Variants in ADARB2 observed in about 807,000 individuals in gnomAD.
ADARB2 encodes inactive double-stranded RNA-specific editase B2.
Under a neutral mutation model 62.2 loss-of-function variants are expected in ADARB2, and 25 were observed. The ratio of observed to expected loss-of-function variants is 0.40; its 90% confidence interval spans 0.29 to 0.56. The LOEUF is 0.56. Among genes scored for constraint, ADARB2 ranks in the 20% least tolerant of loss-of-function variants. ADARB2 has a pLI of 0.43. For synonymous variants in ADARB2, 572 were observed against 500.8 expected, an observed-to-expected ratio of 1.14 and a Z score of -1.90; for missense variants, 1,071 against 1,077.4, an observed-to-expected ratio of 0.99 and a Z score of 0.08.
chr10:1,252,311 A>T (rs1033834318), intron 4 of ADARB2, among the ~76,000 whole-genome samples: 2 of 152,226 alleles, frequency 1.3e-5, no homozygotes, highest in African/African-American at 4.8e-5. Context: ...CCACATGTAG[A>T]CTGCCCCAAG....
chr10:1,552,341 G>T (rs1371573554), intron 1 of ADARB2, among the ~76,000 whole-genome samples: 1 of 152,216 alleles, frequency 6.6e-6, no homozygotes, highest in Admixed American at 6.5e-5. Flanking sequence ...TGTCCTTGGG[G>T]CATTAGGGGC....
At chr10:1,274,900 A>G (rs1490246445) in intron 3 of ADARB2, among the ~76,000 whole-genome samples, 2 of 152,204 alleles carry the variant, frequency 1.3e-5, no homozygotes, top group Non-Finnish European at 1.5e-5. Context: ...TGCAGGCTTC[A>G]CTGCCTCTGG....
At chr10:1,604,604 G>T (rs1305548572) in intron 1 of ADARB2, among the ~76,000 whole-genome samples, 1 of 152,208 alleles carries the variant, frequency 6.6e-6, no homozygotes, top group Non-Finnish European at 1.5e-5. Context: ...AAAATACAAA[G>T]AGCCTGGTTT....
At chr10:1,552,015 T>G (rs1255227930) in intron 1 of ADARB2, among the ~76,000 whole-genome samples, 1 of 151,528 alleles carries the variant, frequency 6.6e-6, no homozygotes, top group Non-Finnish European at 1.5e-5. Context: ...GGTGGCCTCC[T>G]GCGTGGAGGC....
intron 1 of ADARB2, among the ~76,000 whole-genome samples, chr10:1,651,355 C>G (rs909260369): frequency 6.6e-6 from 1 of 152,236 alleles, no homozygotes; most frequent in Non-Finnish European, 1.5e-5. Context: ...CCTGGCGAGC[C>G]CCAGGGGGTG....
intron 4 of ADARB2, among the ~76,000 whole-genome samples, chr10:1,267,490 G>A (rs184428531): frequency 7.4e-4 from 113 of 152,350 alleles, no homozygotes; most frequent in Non-Finnish European, 1.3e-3. Flanking sequence ...TGCAGAGCAC[G>A]TGCCTCGATG....
chr10:1,675,754 G>C (rs1443476046), intron 1 of ADARB2, among the ~76,000 whole-genome samples: 7 of 152,068 alleles, frequency 4.6e-5, no homozygotes, highest in African/African-American at 1.4e-4. Context: ...CCTAGGGCTA[G>C]TTACTCAGTC....
At chr10:1,675,037 AGGTTTG>A (rs1834446649) in intron 1 of ADARB2, 1 of 975,544 alleles carries the variant, frequency 1.0e-6, no homozygotes, top group East Asian at 1.2e-4. Flanking sequence ...GATGTTCTGG[AGGTTTG>A]GGTTTGGGGG....
intron 1 of ADARB2, among the ~76,000 whole-genome samples, chr10:1,693,517 A>G (rs1834699799): frequency 1.3e-5 from 2 of 152,222 alleles, no homozygotes; most frequent in Non-Finnish European, 2.9e-5. Flanking sequence ...TATTTTTCCT[A>G]TTGGATATAA....
chr10:1,306,165 GTC>G (rs1831625967), intron 3 of ADARB2, among the ~76,000 whole-genome samples: 1 of 150,226 alleles, frequency 6.7e-6, no homozygotes, highest in Admixed American at 6.6e-5. Context: ...AAACCCCATT[GTC>G]TCAGCCCAAA....
chr10:1,734,296 GTT>G (rs11338512), intron 1 of ADARB2, among the ~76,000 whole-genome samples: 12,789 of 130,662 alleles, frequency 0.098, 736 homozygotes, highest in East Asian at 0.24. Flanking sequence ...TGACGAAGGT[GTT>G]TTTTTTTTTT....
chr10:1,378,328 C>G (rs1832452172), intron 2 of ADARB2, among the ~76,000 whole-genome samples: 1 of 152,128 alleles, frequency 6.6e-6, no homozygotes, highest in Non-Finnish European at 1.5e-5. Flanking sequence ...GGGCTCCTAC[C>G]CAGCCCTTTC....
At chr10:1,330,163 G>C (rs1831915670) in intron 3 of ADARB2, among the ~76,000 whole-genome samples, 1 of 152,090 alleles carries the variant, frequency 6.6e-6, no homozygotes, top group African/African-American at 2.4e-5. Context: ...GGCTGAGTCA[G>C]GGTCGATTCA....
chr10:1,601,523 G>A (rs891517216), intron 1 of ADARB2, among the ~76,000 whole-genome samples: 13 of 152,224 alleles, frequency 8.5e-5, no homozygotes, highest in Admixed American at 7.2e-4. Context: ...TAGCTATTGT[G>A]TCTTAGCCAG....
chr10:1,687,086 G>C (rs1428164732), intron 1 of ADARB2, among the ~76,000 whole-genome samples: 3 of 147,888 alleles, frequency 2.0e-5, no homozygotes, highest in Non-Finnish European at 4.4e-5. Context: ...GAGTGCAGTG[G>C]CATGATCTCC....
chr10:1,325,080 C>T (rs1213215797), intron 3 of ADARB2, among the ~76,000 whole-genome samples: 1 of 152,166 alleles, frequency 6.6e-6, no homozygotes, highest in Non-Finnish European at 1.5e-5. Flanking sequence ...AAGTTCTGGG[C>T]CTCACGCCAA....
intron 1 of ADARB2, among the ~76,000 whole-genome samples, chr10:1,453,830 C>T (rs1160930238): frequency 1.3e-5 from 2 of 152,074 alleles, no homozygotes; most frequent in Non-Finnish European, 2.9e-5. Flanking sequence ...ATGGCTACTG[C>T]AAGGGTTAGT....
chr10:1,381,305 A>T (rs1832481041), intron 1 of ADARB2, among the ~76,000 whole-genome samples: 1 of 152,272 alleles, frequency 6.6e-6, no homozygotes, highest in African/African-American at 2.4e-5. Flanking sequence ...AAGCACATGG[A>T]AATGTAATCA....
At chr10:1,672,373 C>T (rs1199135064) in intron 1 of ADARB2, among the ~76,000 whole-genome samples, 2 of 152,122 alleles carry the variant, frequency 1.3e-5, no homozygotes, top group Non-Finnish European at 2.9e-5. Flanking sequence ...CTTGAAGGAA[C>T]GCTGCTGATT....
Sources: allele counts gnomAD v4.1 joint callset (sites outside exome capture counted in the v4.1 genomes callset), GRCh38; gene constraint gnomAD v4.1.1; transcripts MANE v1.5; gene names NCBI Gene and HGNC (gene_info 2026-07-23, HGNC 2026-07-21).